RANBP2: variants seen among roughly 807,000 people sequenced by gnomAD.
RANBP2 encodes the protein E3 SUMO-protein ligase RanBP2.
In RANBP2, 57 loss-of-function variants were observed where a neutral mutation model predicts 303.6. The observed-to-expected ratio is 0.19, with a 90% confidence interval of 0.15 to 0.23. The LOEUF (loss-of-function observed/expected upper bound fraction) is 0.23, where lower values mean the gene tolerates loss of function less well. Among genes scored for constraint, RANBP2 ranks in the 10% least tolerant of loss-of-function variants. The pLI, the probability that RANBP2 is intolerant of heterozygous loss-of-function variation, is 1.00. For missense variants in RANBP2, 3,138 were observed against 3,780.8 expected, an observed-to-expected ratio of 0.83 and a Z score of 4.46; for synonymous variants, 1,167 against 1,301.5, an observed-to-expected ratio of 0.90 and a Z score of 2.23.
At chr2:109,091,595 A>G in the RANBP2 span, among the ~76,000 whole-genome samples, 11 of 152,162 alleles carry the variant, frequency 7.2e-5, no homozygotes, top group Admixed American at 6.5e-4. Flanking sequence ...CCCATTGGGC[A>G]GTTAACAAAT....
chr2:109,451,211 C>T, the RANBP2 span, among the ~76,000 whole-genome samples: 1 of 152,258 alleles, frequency 6.6e-6, no homozygotes, highest in African/African-American at 2.4e-5. Context: ...GCATGAAGGG[C>T]AACAGCTGCT....
the RANBP2 span, chr2:109,564,547 A>C: frequency 6.8e-7 from 1 of 1,480,400 alleles, no homozygotes; most frequent in Non-Finnish European, 9.0e-7. Context: ...AGCCAAAAAA[A>C]AATAAGAAAA....
intron 17 of RANBP2, among the ~76,000 whole-genome samples, chr2:108,755,760 G>T (rs1426841469): frequency 6.6e-6 from 1 of 151,936 alleles, no homozygotes; most frequent in Non-Finnish European, 1.5e-5. Flanking sequence ...GTCTCACTCT[G>T]TTGCCCAGTC....
the RANBP2 span, among the ~76,000 whole-genome samples, chr2:109,137,073 A>C: frequency 7.2e-5 from 11 of 152,328 alleles, no homozygotes; most frequent in South Asian, 2.3e-3. Flanking sequence ...ATTTATAATG[A>C]AATGTAATTT....
the RANBP2 span, among the ~76,000 whole-genome samples, chr2:109,708,892 G>A: frequency 3.9e-4 from 59 of 151,952 alleles, no homozygotes; most frequent in Non-Finnish European, 6.6e-4. Flanking sequence ...AGGGAGAATC[G>A]CTTGAACCCG....
the RANBP2 span, among the ~76,000 whole-genome samples, chr2:109,371,315 C>A: frequency 6.6e-6 from 1 of 152,166 alleles, no homozygotes; most frequent in Non-Finnish European, 1.5e-5. Context: ...GCTTGAACCC[C>A]GGAGGCGGAG....
the RANBP2 span, among the ~76,000 whole-genome samples, chr2:109,023,276 A>C: frequency 6.6e-6 from 1 of 152,242 alleles, no homozygotes; most frequent in Admixed American, 6.5e-5. Flanking sequence ...TGTCTCCTGC[A>C]GTAAAGGATC....
chr2:108,851,321 G>A, the RANBP2 span, among the ~76,000 whole-genome samples: 1 of 152,168 alleles, frequency 6.6e-6, no homozygotes, highest in Admixed American at 6.5e-5. Flanking sequence ...TTGTTTTTGA[G>A]ATGGAGTTTT....
chr2:108,918,161 T>C, the RANBP2 span, among the ~76,000 whole-genome samples: 1 of 152,186 alleles, frequency 6.6e-6, no homozygotes, highest in Non-Finnish European at 1.5e-5. Flanking sequence ...TGTCACCAGC[T>C]GGGGGTCCAC....
At chr2:108,968,711 G>A in the RANBP2 span, among the ~76,000 whole-genome samples, 1 of 152,188 alleles carries the variant, frequency 6.6e-6, no homozygotes, top group Non-Finnish European at 1.5e-5. Context: ...GGGTAGCCCT[G>A]GGTTAAAGCT....
At chr2:109,736,222 T>C in the RANBP2 span, among the ~76,000 whole-genome samples, 5 of 152,176 alleles carry the variant, frequency 3.3e-5, no homozygotes, top group Admixed American at 1.3e-4. Context: ...CCCCCTTCTG[T>C]GGTTCTCTAG....
the RANBP2 span, among the ~76,000 whole-genome samples, chr2:108,955,155 A>G: frequency 1.3e-5 from 2 of 152,184 alleles, no homozygotes; most frequent in Non-Finnish European, 2.9e-5. Flanking sequence ...TTTACTAGCT[A>G]TGCAACTTTG....
the RANBP2 span, among the ~76,000 whole-genome samples, chr2:108,965,375 G>A: frequency 6.6e-6 from 1 of 151,610 alleles, no homozygotes; most frequent in Non-Finnish European, 1.5e-5. Context: ...CAGCTACTCG[G>A]GAGGCTGAGG....
chr2:109,505,181 A>G, the RANBP2 span, among the ~76,000 whole-genome samples: 1 of 152,220 alleles, frequency 6.6e-6, no homozygotes, highest in African/African-American at 2.4e-5. Context: ...CCAGGAGCCC[A>G]CTGATCTCCA....
intron 6 of RANBP2, among the ~76,000 whole-genome samples, chr2:108,737,182 T>A (rs1695656432): frequency 6.6e-6 from 1 of 152,170 alleles, no homozygotes; most frequent in Non-Finnish European, 1.5e-5. Context: ...CTAAAAGAAC[T>A]AACATAACTT....
the RANBP2 span, among the ~76,000 whole-genome samples, chr2:109,721,251 T>C: frequency 6.6e-6 from 1 of 152,170 alleles, no homozygotes; most frequent in African/African-American, 2.4e-5. Context: ...CTTTCTTCCT[T>C]TGCACCCTCT....
chr2:109,511,174 ACTC>A, the RANBP2 span, among the ~76,000 whole-genome samples: 1 of 152,100 alleles, frequency 6.6e-6, no homozygotes, highest in African/African-American at 2.4e-5. Flanking sequence ...CGCACTCCTA[ACTC>A]CTCAGCCTGT....
chr2:108,729,834 C>T (rs1695027294), intron 2 of RANBP2, among the ~76,000 whole-genome samples: 1 of 152,050 alleles, frequency 6.6e-6, no homozygotes, highest in Non-Finnish European at 1.5e-5. Context: ...ATCTTCCCAC[C>T]TCAGCGCCCC....
At chr2:108,882,198 A>G in the RANBP2 span, 2 of 152,256 alleles carry the variant, frequency 1.3e-5, no homozygotes, top group Non-Finnish European at 2.9e-5. Flanking sequence ...ACAGATCACC[A>G]TGACAGATAT....
Sources: gnomAD v4.1 joint callset for allele counts (sites outside exome capture counted in the v4.1 genomes callset) on GRCh38, gnomAD v4.1.1 for gene constraint, MANE v1.5 for transcripts, NCBI Gene and HGNC (gene_info 2026-07-23, HGNC 2026-07-21) for gene names.